The following TLN2 variants were observed in gnomAD, a reference collection of about 807,000 sequenced individuals.
TLN2 encodes the protein talin-2.
TLN2 carries 118 observed loss-of-function variants against 294.7 expected under a neutral mutation model. The ratio of observed to expected loss-of-function variants is 0.40; its 90% confidence interval spans 0.34 to 0.47. The LOEUF (loss-of-function observed/expected upper bound fraction) is 0.47, where lower values mean the gene tolerates loss of function less well. Ranked by LOEUF, TLN2 falls within the 20% of genes least tolerant of loss-of-function variation. TLN2 has a pLI of 0.84. For synonymous variants in TLN2, 1,431 were observed against 1,304.5 expected (o/e 1.10, Z -2.09); for missense variants, 3,083 against 3,282.2 (o/e 0.94, Z 1.48).
intron 1 of TLN2, among the ~76,000 whole-genome samples, chr15:62,582,247 C>CACACACACACAT (rs1412650912): frequency 5.8e-4 from 60 of 103,208 alleles, no homozygotes; most frequent in South Asian, 3.9e-3. Context: ...CACACACACA[C>CACACACACACAT]ATTCATGCCT....
At chr15:62,492,827 A>G (rs2038821286) in intron 1 of TLN2, among the ~76,000 whole-genome samples, 1 of 152,248 alleles carries the variant, frequency 6.6e-6, no homozygotes, top group Non-Finnish European at 1.5e-5. Context: ...CAGATTCCAC[A>G]GAATTCCATA....
chr15:62,659,747 A>G (rs2053611978), intron 9 of TLN2, among the ~76,000 whole-genome samples: 1 of 152,170 alleles, frequency 6.6e-6, no homozygotes, highest in Non-Finnish European at 1.5e-5. Context: ...CCTGGTGGCA[A>G]TTGTTTTTCC....
rs780600710 is a variant in TLN2 at position 62,805,758 on chromosome 15, C to A, written c.6636C>A (p.Ala2212=). 83 of 1,613,810 alleles carry A rather than the reference C, an allele frequency of 5.1e-5. No homozygotes were observed. In the South Asian group the frequency reaches 8.6e-4, roughly 17 times the overall value. The change falls in exon 51 of 59, where the codon GCC becomes GCA. Residue 2212 remains alanine, a synonymous_variant. Coordinates refer to ENST00000636159, the MANE Select transcript of TLN2 (RefSeq NM_015059.3). The part of the protein sequence containing the change: ...VIATANLSRK[A]VSDMLTACKQ... ...CTACTGCCAACCTGAGCCGGAAAGC[C>A]GTGTCAGATATGTTGACGGCTTGCA...
chr15:62,734,756 C>T (rs1052384478), intron 28 of TLN2, among the ~76,000 whole-genome samples: 4 of 152,184 alleles, frequency 2.6e-5, no homozygotes, highest in Non-Finnish European at 5.9e-5. Context: ...TTTTATATCC[C>T]AGCTGTGTGA....
chr15:62,724,149 CA>C (rs1198502767), intron 26 of TLN2, among the ~76,000 whole-genome samples: 5 of 151,966 alleles, frequency 3.3e-5, no homozygotes, highest in African/African-American at 9.6e-5. Context: ...CTCTGTCTCC[CA>C]AAAAAATAGA....
At chr15:62,419,115 G>A (rs1297318591) in intron 1 of TLN2, among the ~76,000 whole-genome samples, 1 of 152,110 alleles carries the variant, frequency 6.6e-6, no homozygotes, top group Non-Finnish European at 1.5e-5. Context: ...TGCTGTAAAT[G>A]TAAAACACAC....
intron 39 of TLN2, among the ~76,000 whole-genome samples, chr15:62,762,950 G>A (rs1275347010): frequency 6.6e-6 from 1 of 152,176 alleles, no homozygotes; most frequent in African/African-American, 2.4e-5. Context: ...TCGATAGTGG[G>A]AGCCTAAAAA....
intron 2 of TLN2, among the ~76,000 whole-genome samples, chr15:62,608,486 G>A (rs1164946232): frequency 6.6e-6 from 1 of 152,150 alleles, no homozygotes; most frequent in African/African-American, 2.4e-5. Context: ...ATTTGAGCAG[G>A]AGATGATGGG....
chr15:62,599,034 C>T (rs927155975), intron 2 of TLN2, among the ~76,000 whole-genome samples: 4 of 152,172 alleles, frequency 2.6e-5, no homozygotes, highest in Non-Finnish European at 5.9e-5. Context: ...GATGGGGTGG[C>T]TGTGGATGGA....
chr15:62,586,591 C>T (rs983495929), intron 1 of TLN2, among the ~76,000 whole-genome samples: 5 of 152,154 alleles, frequency 3.3e-5, no homozygotes, highest in Non-Finnish European at 4.4e-5. Context: ...GTTATGGGCC[C>T]ATTATGGGGA....
At chr15:62,795,199 G>A (rs757011933) in intron 46 of TLN2, among the ~76,000 whole-genome samples, 7 of 152,058 alleles carry the variant, frequency 4.6e-5, no homozygotes, top group Non-Finnish European at 1.0e-4. Flanking sequence ...GGCATCTGAC[G>A]GGGCAACTAG....
chr15:62,584,507 T>C (rs1338382158), intron 1 of TLN2, among the ~76,000 whole-genome samples: 1 of 152,180 alleles, frequency 6.6e-6, no homozygotes, highest in Non-Finnish European at 1.5e-5. Flanking sequence ...CTTCATTGAG[T>C]TTCCTTTGAC....
At chr15:62,652,922 C>T (rs1323007774) in intron 6 of TLN2, among the ~76,000 whole-genome samples, 6 of 151,872 alleles carry the variant, frequency 4.0e-5, no homozygotes, top group South Asian at 2.1e-4. Context: ...TTTAAAAATT[C>T]GTTTTTGAAA....
At chr15:62,806,887 C>A (rs1488620893) in intron 51 of TLN2, among the ~76,000 whole-genome samples, 4 of 152,058 alleles carry the variant, frequency 2.6e-5, no homozygotes, top group African/African-American at 9.7e-5. Context: ...GTGAGTTCTG[C>A]TGGAGTTGCT....
intron 1 of TLN2, among the ~76,000 whole-genome samples, chr15:62,394,459 A>G (rs899802704): frequency 6.6e-6 from 1 of 152,262 alleles, no homozygotes; most frequent in Admixed American, 6.5e-5. Context: ...ACAGCTTAAC[A>G]TACCCACTGG....
chr15:62,437,829 T>C (rs1202434724), intron 1 of TLN2, among the ~76,000 whole-genome samples: 1 of 152,056 alleles, frequency 6.6e-6, no homozygotes, highest in Non-Finnish European at 1.5e-5. Flanking sequence ...AGCTATATTT[T>C]CCCCTTGAAA....
At chr15:62,576,169 A>G (rs571450309) in intron 1 of TLN2, among the ~76,000 whole-genome samples, 1 of 152,164 alleles carries the variant, frequency 6.6e-6, no homozygotes, top group Non-Finnish European at 1.5e-5. Flanking sequence ...AAAACAATTC[A>G]AAAACGAAGT....
Position 62,762,431 on chromosome 15 carries a change from A to G in TLN2, c.4939A>G (p.Lys1647Glu). 6.2e-7 allele frequency: 1 copy of G among 1,614,112 alleles called. No individual in the cohort carries two copies. Among genetic ancestry groups the G allele is most frequent in the Non-Finnish European group, 8.5e-7 (1 of 1,180,004 alleles). Residue 1647 changes from lysine to glutamate, a missense_variant, in exon 39 of 59, where the codon AAG (lysine) becomes GAG (glutamate). Coordinates refer to ENST00000636159, the MANE Select transcript of TLN2 (RefSeq NM_015059.3). ...TTCCCATACAGTGTCCGACTCCATC[A>G]AGAGTCTCATCACTTCTATCAGGTC... ...GHSHTVSDSI[K>E]SLITSIRDKA...
At chr15:62,635,868 A>T (rs1307491218) in intron 3 of TLN2, among the ~76,000 whole-genome samples, 3 of 152,196 alleles carry the variant, frequency 2.0e-5, no homozygotes, top group Non-Finnish European at 2.9e-5. Flanking sequence ...TCCCTGACAC[A>T]AGCACTGTAT....
Sources: allele counts gnomAD v4.1 joint callset (sites outside exome capture counted in the v4.1 genomes callset), GRCh38; gene constraint gnomAD v4.1.1; transcripts MANE v1.5; gene names NCBI Gene and HGNC (gene_info 2026-07-23, HGNC 2026-07-21).